The following WRN variants were observed in gnomAD, a reference collection of about 807,000 sequenced individuals.
WRN encodes bifunctional 3'-5' exonuclease/ATP-dependent helicase WRN.
In WRN, 149 loss-of-function variants were observed where a neutral mutation model predicts 180.7. That is an observed-to-expected ratio of 0.82 (90% confidence interval 0.72 to 0.94). The LOEUF is 0.94. WRN is among the 40% of genes least tolerant of loss of function. WRN has a pLI of 0.00. For synonymous variants in WRN, 548 were observed against 568.9 expected (o/e 0.96, Z 0.52); for missense variants, 1,661 against 1,700.1 (o/e 0.98, Z 0.40).
intron 15 of WRN, among the ~76,000 whole-genome samples, chr8:31,091,516 A>G (rs11574249): frequency 0.058 from 8,882 of 152,092 alleles, 266 homozygotes; most frequent in South Asian, 0.08. Context: ...GTTGTTAACT[A>G]TAGTTACCCT....
intron 28 of WRN, among the ~76,000 whole-genome samples, chr8:31,144,257 T>G (rs1477771877): frequency 6.6e-6 from 1 of 151,998 alleles, no homozygotes; most frequent in Non-Finnish European, 1.5e-5. Context: ...TTTCTCTCCC[T>G]CTCCTCGGGT....
chr8:31,070,526 G>A (rs925748687), intron 7 of WRN, among the ~76,000 whole-genome samples: 3 of 151,992 alleles, frequency 2.0e-5, no homozygotes, highest in South Asian at 2.1e-4. Context: ...TGGGAATACC[G>A]TAGTGAACAA....
chr8:31,095,119 C>G (rs1813909158), intron 16 of WRN, among the ~76,000 whole-genome samples: 1 of 152,124 alleles, frequency 6.6e-6, no homozygotes, highest in Admixed American at 6.6e-5. Flanking sequence ...CTTAGTCTGG[C>G]TGATCTTTAA....
In WRN at chr8:31,059,245, T is replaced by C; in HGVS notation, c.189T>C (p.Ser63=). 2.5e-6 allele frequency: 4 copies of C among 1,613,632 alleles called. No homozygotes were observed. Among genetic ancestry groups the C allele is most frequent in the Non-Finnish European group, 2.5e-6 (3 of 1,179,670 alleles). ...IVYSYDASDC[S]FLSEDISMSL... ...ATAGTTACGATGCTAGTGATTGCTC[T>C]TTCCTGTCAGAAGATATTAGGTAAG... The change falls in exon 3 of 35, where the codon TCT becomes TCC. Residue 63 remains serine, a synonymous_variant. Transcript: ENST00000298139.
chr8:31,092,723 C>G (rs549573025), intron 16 of WRN, among the ~76,000 whole-genome samples: 2 of 152,034 alleles, frequency 1.3e-5, no homozygotes, highest in South Asian at 4.2e-4. Context: ...ATATCACTGA[C>G]ACTCTAGAAA....
In WRN at chr8:31,064,977, A is replaced by G. The variant is rs1420843458; in HGVS notation, c.418A>G (p.Ile140Val). The change falls in exon 5 of 35, where the codon ATT becomes GTT. Residue 140 changes from isoleucine to valine, a missense_variant. By Grantham distance (29) the Ile-to-Val change is conservative. This residue lies in a region of WRN where 500 missense variants were observed against 504.1 expected (regional missense o/e 0.99). Transcript: ENST00000298139. ...NKAVKKAGVG[I>V]EGDQWKLLRD... Reference sequence around the variant, plus strand: ...AGCAGTTAAAAAGGCAGGTGTAGGAATTGAAGGAGATCAGTGGAAACTTCT... The same window carrying G: ...AGCAGTTAAAAAGGCAGGTGTAGGAGTTGAAGGAGATCAGTGGAAACTTCT... 5.6e-6 allele frequency: 9 copies of G among 1,613,664 alleles called. No homozygotes were observed. Among genetic ancestry groups the G allele is most frequent in the Non-Finnish European group, 7.6e-6 (9 of 1,179,826 alleles).
chr8:31,081,447 A>G (rs1813309255), intron 9 of WRN, 151 bp downstream of exon 9: 1 of 807,464 alleles, frequency 1.2e-6, no homozygotes, highest in Non-Finnish European at 1.9e-6. Context: ...GTGTGAAAGC[A>G]GCCACAGACA....
At position 31,150,350 on chromosome 8, in the gene WRN, G is replaced by A. The variant is rs762685242; in HGVS notation, c.3582G>A (p.Thr1194=). 40 of 1,613,742 alleles carry A rather than the reference G, an allele frequency of 2.5e-5. No individual in the cohort carries two copies. The East Asian group carries it at 3.6e-4, about 14-fold the overall frequency. ...TTGTTGTTAAACACAGACCAACTAC[G>A]GTTGAAAACGTAAAAAGGATTGATG... ...LVDMAKMRPT[T]VENVKRIDGV... Residue 1194 remains threonine (T), a synonymous_variant, in exon 31 of 35, where the codon ACG becomes ACA. Coordinates refer to ENST00000298139, the MANE Select transcript of WRN (RefSeq NM_000553.6).
intron 5 of WRN, among the ~76,000 whole-genome samples, chr8:31,066,598 A>T (rs1812714738): frequency 6.6e-6 from 1 of 152,094 alleles, no homozygotes; most frequent in Non-Finnish European, 1.5e-5. Context: ...ACTTAAAAAA[A>T]AATTTTTTTT....
rs3087436 is a variant in WRN, at chr8:31,124,469, A to G, written c.2631-53A>G. 3.3e-3 allele frequency: 4,468 copies of G among 1,363,654 alleles called. 77 individuals carry two copies. The African/African-American group carries it at 0.047, about 14-fold the overall frequency. The allele number at this position is 1,363,654 out of a possible 1,614,324, so 84.5% of individuals were successfully genotyped here. A position where few individuals can be genotyped will look rare whatever the true frequency, so the allele number is the denominator to read the frequency against. ...GTAAAAAATAAGTAAAAAAAAAAGTAAGAAAGTTGCCAATACAGTTTTACA... is the reference window on the plus strand; with the variant it reads ...GTAAAAAATAAGTAAAAAAAAAAGTGAGAAAGTTGCCAATACAGTTTTACA... On this transcript the variant is annotated intron_variant, in intron 21 of 34. Coordinates refer to ENST00000298139, the MANE Select transcript of WRN (RefSeq NM_000553.6).
intron 8 of WRN, among the ~76,000 whole-genome samples, chr8:31,079,597 A>G (rs2130111675): frequency 6.6e-6 from 1 of 152,338 alleles, no homozygotes; most frequent in Non-Finnish European, 1.5e-5. Context: ...AAACTTACTT[A>G]GTTAAAATGT....
intron 16 of WRN, among the ~76,000 whole-genome samples, chr8:31,095,667 T>A (rs1374544540): frequency 6.6e-6 from 1 of 152,252 alleles, no homozygotes; most frequent in Non-Finnish European, 1.5e-5. Context: ...ATTGACTTTG[T>A]ACCTTTGTCA....
At chr8:31,172,427 G>A (rs185037921) in intron 34 of WRN, among the ~76,000 whole-genome samples, 6 of 152,306 alleles carry the variant, frequency 3.9e-5, no homozygotes, top group Non-Finnish European at 7.3e-5. Flanking sequence ...TTTCTGGGAA[G>A]TGGATCTGTA....
At chr8:31,079,938 C>T (rs747364256) in intron 8 of WRN, among the ~76,000 whole-genome samples, 5 of 151,858 alleles carry the variant, frequency 3.3e-5, no homozygotes, top group Admixed American at 6.6e-5. Flanking sequence ...TGCAATGGCA[C>T]GATCTCAGCT....
chr8:31,076,101 T>C, intron 7 of WRN, 72 bp from the exon 8 acceptor site: 2 of 1,238,004 alleles, frequency 1.6e-6, no homozygotes, highest in South Asian at 1.2e-5. Context: ...CCTAATATTA[T>C]TTAATGAAGT....
rs1481338220 is a variant in WRN at position 31,096,834 on chromosome 8, A to T, written c.1965A>T (p.Gln655His). 3 of 1,613,472 alleles carry T rather than the reference A, an allele frequency of 1.9e-6. No individual in the cohort carries two copies. In the South Asian group the frequency reaches 3.3e-5, roughly 18 times the overall value. Residue 655 changes from glutamine (Q) to histidine (H), a missense_variant, in exon 17 of 35, where the codon CAA becomes CAT. Physicochemically the swap from Gln to His is conservative, Grantham distance 24 (BLOSUM62 0). Transcript: ENST00000298139. ...YCSGNMGLLQ[Q>H]LEADIGITLI... is the part of the protein sequence containing the mutation. The stretch of plus-strand genomic sequence containing the variant: ...CAGGTAACATGGGCCTGCTCCAGCA[A>T]CTTGAGGCTGATATTGGTAAGTGAT...
intron 1 of WRN, among the ~76,000 whole-genome samples, chr8:31,054,119 C>T (rs1003490502): frequency 3.3e-5 from 5 of 151,888 alleles, no homozygotes; most frequent in South Asian, 2.1e-4. Context: ...ATGTAGAATT[C>T]GAAGAAAATA....
chr8:31,037,943 A>G (rs995075934), intron 1 of WRN, among the ~76,000 whole-genome samples: 1 of 152,178 alleles, frequency 6.6e-6, no homozygotes, highest in African/African-American at 2.4e-5. Context: ...TTTATGGCTG[A>G]ATAATATTCC....
intron 33 of WRN, among the ~76,000 whole-genome samples, chr8:31,160,938 A>G (rs142378457): frequency 6.6e-6 from 1 of 151,950 alleles, no homozygotes; most frequent in African/African-American, 2.4e-5. Context: ...TGGTGAGCCA[A>G]GATTGTGTCA....
Sources: gnomAD v4.1 joint callset for allele counts (sites outside exome capture counted in the v4.1 genomes callset) on GRCh38, gnomAD v4.1.1 for gene constraint, gnomAD v4.1.1 regional missense constraint, MANE v1.5 for transcripts, NCBI Gene and HGNC (gene_info 2026-07-23, HGNC 2026-07-21) for gene names.